GPC6: variants seen among roughly 807,000 people sequenced by gnomAD.
GPC6 encodes the protein glypican 6.
GPC6 carries 14 observed loss-of-function variants against 55.2 expected under a neutral mutation model. The observed-to-expected ratio is 0.25, with a 90% CI of 0.17 to 0.40. GPC6 has a LOEUF of 0.40. GPC6 is among the 10% of genes least tolerant of loss of function. The pLI is 1.00. For missense variants in GPC6, 641 were observed against 708.5 expected, an observed-to-expected ratio of 0.90 and a Z score of 1.08; for synonymous variants, 278 against 259.6, an observed-to-expected ratio of 1.07 and a Z score of -0.68.
intron 4 of GPC6, among the ~76,000 whole-genome samples, chr13:94,152,787 C>T (rs1372360585): frequency 6.6e-6 from 1 of 152,096 alleles, no homozygotes; most frequent in Non-Finnish European, 1.5e-5. Context: ...GGAATTTATG[C>T]TCCCATAAAT....
intron 2 of GPC6, among the ~76,000 whole-genome samples, chr13:93,829,501 A>G (rs1887399911): frequency 6.6e-6 from 1 of 152,206 alleles, no homozygotes; most frequent in African/African-American, 2.4e-5. Context: ...GTTCTATAAC[A>G]TGATGGTTTA....
intron 4 of GPC6, among the ~76,000 whole-genome samples, chr13:94,170,739 GC>G (rs1416850798): frequency 6.6e-6 from 1 of 152,204 alleles, no homozygotes; most frequent in African/African-American, 2.4e-5. Flanking sequence ...TGGGAATAAA[GC>G]CATGAGAGTT....
chr13:93,939,682 T>C (rs955153761), intron 3 of GPC6, among the ~76,000 whole-genome samples: 2 of 152,070 alleles, frequency 1.3e-5, no homozygotes, highest in Non-Finnish European at 1.5e-5. Flanking sequence ...GCTCCTCAGC[T>C]CAAAGAATCC....
chr13:94,373,223 T>G (rs1465312616), intron 6 of GPC6, among the ~76,000 whole-genome samples: 1 of 152,022 alleles, frequency 6.6e-6, no homozygotes, highest in Non-Finnish European at 1.5e-5. Flanking sequence ...AGAATGACTT[T>G]GACGAGCTGA....
intron 2 of GPC6, among the ~76,000 whole-genome samples, chr13:93,555,802 A>G (rs1875430126): frequency 6.6e-6 from 1 of 152,210 alleles, no homozygotes. Flanking sequence ...TGCTGGGTTC[A>G]ACACCAGAGA....
At chr13:94,166,603 C>T (rs920461873) in intron 4 of GPC6, among the ~76,000 whole-genome samples, 9 of 152,208 alleles carry the variant, frequency 5.9e-5, no homozygotes, top group African/African-American at 2.2e-4. Context: ...AAATCAGCCC[C>T]CTCCCCCTGC....
chr13:94,011,177 TGGA>T (rs1223144857), intron 3 of GPC6, among the ~76,000 whole-genome samples: 1 of 152,116 alleles, frequency 6.6e-6, no homozygotes, highest in Non-Finnish European at 1.5e-5. Context: ...TTAGCAAAGT[TGGA>T]GGAGATGTCA....
intron 1 of GPC6, among the ~76,000 whole-genome samples, chr13:93,506,845 C>A (rs1440198503): frequency 6.7e-6 from 1 of 148,696 alleles, no homozygotes. Context: ...TCAAATCCAT[C>A]CTGGCTAACA....
chr13:93,455,219 C>G (rs55753059), intron 1 of GPC6, among the ~76,000 whole-genome samples: 32,703 of 152,056 alleles, frequency 0.22, 3,621 homozygotes, highest in Middle Eastern at 0.29. Context: ...TTGGCCAGAC[C>G]AGAAAGGGGC....
At chr13:93,311,601 A>G (rs923375110) in intron 1 of GPC6, among the ~76,000 whole-genome samples, 38 of 152,198 alleles carry the variant, frequency 2.5e-4, no homozygotes, top group African/African-American at 8.7e-4. Context: ...TAGTTGAACT[A>G]TGCTTCCTTT....
intron 2 of GPC6, among the ~76,000 whole-genome samples, chr13:93,768,244 T>C (rs759009858): frequency 6.6e-6 from 1 of 152,152 alleles, no homozygotes; most frequent in Non-Finnish European, 1.5e-5. Context: ...TTTCCCACCG[T>C]TTAGTGTTGG....
rs78428485 is a variant in GPC6 at position 93,698,188 on chromosome 13, A to G, written c.320-131966A>G. On this transcript the variant is annotated intron_variant, in intron 2 of 8. Transcript: ENST00000377047. ...TATTCAGCTTGAGTGCTTGTGAGGT[A>G]TGCTTTGGATGACACAACTAATTAA... Among the ~76,000 whole-genome samples, 23 of 152,194 alleles carry G rather than the reference A, an allele frequency of 1.5e-4. No individual in the cohort carries two copies. In the East Asian group the frequency reaches 4.1e-3, roughly 27 times the overall value.
intron 1 of GPC6, among the ~76,000 whole-genome samples, chr13:93,262,358 C>T (rs1040990808): frequency 6.6e-6 from 1 of 152,042 alleles, no homozygotes; most frequent in Non-Finnish European, 1.5e-5. Context: ...GATCCTTTCA[C>T]GCCAAGTTAC....
intron 4 of GPC6, among the ~76,000 whole-genome samples, chr13:94,109,814 T>C (rs911998354): frequency 6.6e-6 from 1 of 152,122 alleles, no homozygotes; most frequent in Non-Finnish European, 1.5e-5. Context: ...ATTATAAGGC[T>C]GCCCAGATCT....
intron 1 of GPC6, among the ~76,000 whole-genome samples, chr13:93,452,717 G>T (rs1878275937): frequency 6.6e-6 from 1 of 152,148 alleles, no homozygotes; most frequent in Non-Finnish European, 1.5e-5. Context: ...AGACATATTT[G>T]TGTTTATTCA....
chr13:93,934,544 A>C (rs1366715432), intron 3 of GPC6, among the ~76,000 whole-genome samples: 1 of 152,210 alleles, frequency 6.6e-6, no homozygotes, highest in Non-Finnish European at 1.5e-5. Context: ...ACCTCTACCT[A>C]GTCTGAAAGA....
At chr13:94,227,636 T>C (rs1890598782) in intron 4 of GPC6, among the ~76,000 whole-genome samples, 1 of 152,204 alleles carries the variant, frequency 6.6e-6, no homozygotes, top group African/African-American at 2.4e-5. Context: ...TTAAAAATGA[T>C]TTTGTTCTTA....
rs1892530905 is a variant in GPC6 at position 94,286,387 on chromosome 13, T to C, written c.916T>C (p.Phe306Leu). 6.2e-7 allele frequency: 1 copy of C among 1,613,894 alleles called. No individual in the cohort carries two copies. The highest frequency in any genetic ancestry group is 1.7e-4 in the Middle Eastern group (1 of 6,060). ...GGTGGCAGAGCGACTGGAGGGGCCA[T>C]TCAACATTGAGTCGGTCATGGACCC... ...LLVAERLEGPFNIESVMDPID... is the reference protein window; with the variant it reads ...LLVAERLEGPLNIESVMDPID... Residue 306 changes from phenylalanine (F) to leucine (L), a missense_variant, in exon 5 of 9, where the codon TTC (phenylalanine) becomes CTC (leucine). Coordinates refer to ENST00000377047, the MANE Select transcript of GPC6 (RefSeq NM_005708.5).
chr13:94,184,481 A>G (rs1378034146), intron 4 of GPC6, among the ~76,000 whole-genome samples: 1 of 152,208 alleles, frequency 6.6e-6, no homozygotes, highest in Non-Finnish European at 1.5e-5. Context: ...TGGACAAAGG[A>G]CATAACAGAT....
Sources: gnomAD v4.1 joint callset for allele counts (sites outside exome capture counted in the v4.1 genomes callset) on GRCh38, gnomAD v4.1.1 for gene constraint, MANE v1.5 for transcripts, NCBI Gene and HGNC (gene_info 2026-07-23, HGNC 2026-07-21) for gene names.